PPAN: variants seen among roughly 807,000 people sequenced by gnomAD.
The protein encoded by PPAN is suppressor of SWI4 1 homolog.
PPAN carries 39 observed loss-of-function variants against 48.5 expected under a neutral mutation model. That is an observed-to-expected ratio of 0.80 (90% CI 0.62 to 1.05). PPAN has a LOEUF of 1.05. Among genes scored for constraint, PPAN ranks in the 50% least tolerant of loss-of-function variants. The pLI, the probability that PPAN is intolerant of heterozygous loss-of-function variation, is 0.00. For synonymous variants in PPAN, 315 were observed against 268.6 expected (o/e 1.17, Z -1.69); for missense variants, 736 against 661.7 (o/e 1.11, Z -1.23).
At chr19:10,108,192 C>G in intron 5 of PPAN, 58 bp downstream of exon 5, 1 of 1,555,518 alleles carries the variant, frequency 6.4e-7, no homozygotes, top group East Asian at 2.3e-5. Flanking sequence ...AGAGGTGCCA[C>G]AGGCCCTCAG....
intron 2 of PPAN, 95 bp from the exon 3 acceptor site, chr19:10,107,410 G>A: frequency 7.4e-7 from 1 of 1,353,498 alleles, no homozygotes; most frequent in Non-Finnish European, 1.0e-6. Context: ...AGGGTCAGAT[G>A]CAAGACAGAC....
chr19:10,110,693 C>T lies in PPAN; in HGVS notation c.1032-4C>T, dbSNP rs2089023661. 3 of 1,613,248 alleles carry T rather than the reference C, an allele frequency of 1.9e-6. No individual in the cohort carries two copies. The highest frequency in any genetic ancestry group is 2.5e-6 in the Non-Finnish European group (3 of 1,179,726). On this transcript the variant is annotated splice_region_variant and splice_polypyrimidine_tract_variant and intron_variant, in intron 10 of 11. Coordinates refer to ENST00000253107, the MANE Select transcript of PPAN (RefSeq NM_020230.7). The surrounding 1 kb of genome is among the most constrained non-coding windows in gnomAD (Gnocchi z 5.9). ...GCTATGTTGACCCCCACGCCCTCCT[C>T]CAGAAAGAAGAGCCTGGAGGGCATG...
intron 2 of PPAN, chr19:10,107,014 C>G: frequency 1.7e-6 from 1 of 594,072 alleles, no homozygotes; most frequent in Non-Finnish European, 3.1e-6. Flanking sequence ...TGGTGAAACC[C>G]CGTCTTTACA....
rs755741427 is a variant in PPAN at position 10,110,929 on chromosome 19, C to T, written c.1202-16C>T. The stretch of plus-strand genomic sequence containing the variant: ...GTCCTTGTCTCTGGGGGCCCTGACA[C>T]TGTCTCTCCCCACAGACCTGTTCCC... On this transcript the variant is annotated splice_polypyrimidine_tract_variant and intron_variant, in intron 11 of 11. Coordinates refer to ENST00000253107, the MANE Select transcript of PPAN (RefSeq NM_020230.7). The surrounding 1 kb of genome is among the most constrained non-coding windows in gnomAD (Gnocchi z 5.9). 1.2e-6 allele frequency: 2 copies of T among 1,613,378 alleles called. No individual in the cohort carries two copies. The highest frequency in any genetic ancestry group is 1.7e-5 in the Admixed American group (1 of 59,996).
In PPAN at chr19:10,111,711, G is replaced by C. The variant is rs373524333; in HGVS notation, c.*546G>C. 1.1e-4 allele frequency: 184 copies of C among 1,613,636 alleles called. No individual in the cohort carries two copies. Among genetic ancestry groups the C allele is most frequent in the Admixed American group, 2.5e-4 (15 of 59,980 alleles). On this transcript the variant is annotated 3_prime_UTR_variant, in exon 12 of 12. Coordinates refer to ENST00000253107, the MANE Select transcript of PPAN (RefSeq NM_020230.7). ...GGGTAGCAGACACAGGCTGAGGATC[G>C]GCACGGGAGCATGGCAGCCAACGTC...
At position 10,108,044 on chromosome 19, in the gene PPAN, G is replaced by A. The variant is rs1279507497; in HGVS notation, c.423G>A (p.Leu141=). 10 of 1,613,952 alleles carry A rather than the reference G, an allele frequency of 6.2e-6. No individual in the cohort carries two copies. The highest frequency in any genetic ancestry group is 8.5e-6 in the Non-Finnish European group (10 of 1,180,010). ...AGCAGTTTGCCCACCCACCCCTCCT[G>A]GTACTCAACAGCTTTGGCCCCCATG... ...HEQQFAHPPL[L]VLNSFGPHGM... The change falls in exon 5 of 12, where the codon CTG becomes CTA. Residue 141 remains leucine (L), a synonymous_variant. Coordinates refer to ENST00000253107, the MANE Select transcript of PPAN (RefSeq NM_020230.7).
In PPAN at chr19:10,111,537, T is replaced by C. The variant is rs2089076219; in HGVS notation, c.*372T>C. ...AGGTCACACTTTCAGCAGATGAGCT[T>C]GAACCTCAGGAGGGTTGTGGCACAA... is the stretch of plus-strand genomic sequence containing the variant. On this transcript the variant is annotated 3_prime_UTR_variant, in exon 12 of 12. Transcript: ENST00000253107. 3 of 706,096 alleles carry C rather than the reference T, an allele frequency of 4.2e-6. No individual in the cohort carries two copies. Among genetic ancestry groups the C allele is most frequent in the Non-Finnish European group, 7.2e-6 (3 of 414,158 alleles). The allele number at this position is 706,096 out of a possible 1,614,324, so 43.7% of individuals were successfully genotyped here.
chr19:10,106,864 T>C (rs2088849390), intron 2 of PPAN, 193 bp downstream of exon 2: 7 of 909,066 alleles, frequency 7.7e-6, no homozygotes, highest in Non-Finnish European at 8.1e-6. Flanking sequence ...GCTTGGGAGA[T>C]AGATAGTCGC....
intron 5 of PPAN, among the ~76,000 whole-genome samples, chr19:10,108,890 CTTATAAA>C (rs1008895372): frequency 6.6e-6 from 1 of 151,558 alleles, no homozygotes; most frequent in Non-Finnish European, 1.5e-5. Context: ...TCAGATGGGA[CTTATAAA>C]TTATATATAA....
rs780411560 is a variant in PPAN at position 10,110,777 on chromosome 19, C to T, written c.1112C>T (p.Ala371Val). ...GCCTCTGGGATCCCTTCAAGGACGGCGAGCCTGGAGTTGGGTGAGGACGAT... is the reference window on the plus strand; with the variant it reads ...GCCTCTGGGATCCCTTCAAGGACGGTGAGCCTGGAGTTGGGTGAGGACGAT... The part of the protein sequence containing the change: ...EEASGIPSRT[A>V]SLELGEDDDE... The change falls in exon 11 of 12, where the codon GCG becomes GTG. Residue 371 changes from alanine to valine, a missense_variant. Transcript: ENST00000253107. The surrounding 1 kb of genome is among the most constrained non-coding windows in gnomAD (Gnocchi z 5.9). The T allele has an allele frequency of 2.5e-5, 40 of 1,613,740 alleles. No homozygotes were observed. The highest frequency in any genetic ancestry group is 1.8e-4 in the East Asian group (8 of 44,878).
In PPAN at chr19:10,111,783, T is replaced by C. The variant is rs760812079; in HGVS notation, c.*618T>C. The C allele has an allele frequency of 2.0e-5, 33 of 1,610,604 alleles. No homozygotes were observed. Among genetic ancestry groups the C allele is most frequent in the Non-Finnish European group, 1.2e-5 (14 of 1,178,006 alleles). The stretch of plus-strand genomic sequence containing the variant: ...TGGCTGTCTCTGGGGGTCTGCAGAT[T>C]GTCAGGAGGTGGGGGTAGTGGGTAT... On this transcript the variant is annotated 3_prime_UTR_variant, in exon 12 of 12. Coordinates refer to ENST00000253107, the MANE Select transcript of PPAN (RefSeq NM_020230.7).
Position 10,110,683 on chromosome 19 carries a change from A to C in PPAN, c.1032-14A>C. 6.2e-7 allele frequency: 1 copy of C among 1,612,882 alleles called. No homozygotes were observed. Among genetic ancestry groups the C allele is most frequent in the Non-Finnish European group, 8.5e-7 (1 of 1,179,582 alleles). ...GGGATGGGCGGCTATGTTGACCCCCACGCCCTCCTCCAGAAAGAAGAGCCT... is the reference window on the plus strand; with the variant it reads ...GGGATGGGCGGCTATGTTGACCCCCCCGCCCTCCTCCAGAAAGAAGAGCCT... On this transcript the variant is annotated splice_polypyrimidine_tract_variant and intron_variant, in intron 10 of 11. Transcript: ENST00000253107. The surrounding 1 kb of genome is among the most constrained non-coding windows in gnomAD (Gnocchi z 5.9).
At chr19:10,108,324 G>A (rs988687046) in intron 5 of PPAN, among the ~76,000 whole-genome samples, 190 bp downstream of exon 5, 1 of 152,132 alleles carries the variant, frequency 6.6e-6, no homozygotes, top group African/African-American at 2.4e-5. Context: ...TTCCCCCAGC[G>A]GTCCACACCC....
In PPAN at chr19:10,109,713, T is replaced by A; in HGVS notation, c.590+6T>A. 6.2e-7 allele frequency: 1 copy of A among 1,613,264 alleles called. No individual in the cohort carries two copies. The highest frequency in any genetic ancestry group is 8.5e-7 in the Non-Finnish European group (1 of 1,179,568). The stretch of plus-strand genomic sequence containing the variant: ...GAGCTGGACTTCCGCCACTAGTGAG[T>A]GTCCCAGCAGGATGGGAGACGAGGG... On this transcript the variant is annotated splice_donor_region_variant and intron_variant, in intron 6 of 11. Transcript: ENST00000253107.
chr19:10,111,432 C>T lies in PPAN; in HGVS notation c.*267C>T, dbSNP rs910367908. 11 of 628,238 alleles carry T rather than the reference C, an allele frequency of 1.8e-5. No individual in the cohort carries two copies. The highest frequency in any genetic ancestry group is 5.9e-5 in the South Asian group (3 of 50,902). The allele number at this position is 628,238 out of a possible 1,614,324, so 38.9% of individuals were successfully genotyped here. ...AGCTGGGTCTCTCCCCTACCCTGCACGGGGTTGGTTTCATTGGTGGCAGCA... is the reference window on the plus strand; with the variant it reads ...AGCTGGGTCTCTCCCCTACCCTGCATGGGGTTGGTTTCATTGGTGGCAGCA... On this transcript the variant is annotated 3_prime_UTR_variant, in exon 12 of 12. Coordinates refer to ENST00000253107, the MANE Select transcript of PPAN (RefSeq NM_020230.7).
rs1283975613 is a variant in PPAN at position 10,108,123 on chromosome 19, A to G, written c.502A>G (p.Asn168Asp). Residue 168 changes from asparagine (N) to aspartate (D), a missense_variant, in exon 5 of 12, where the codon AAC becomes GAC. Transcript: ENST00000253107. ...TMFQNLFPSI[N>D]VHKVNLNTIK... ...GTTCCAGAACCTGTTCCCCTCCATC[A>G]ACGTGCACAAGGTGGGTCTGGCCTG... 1 of 1,610,552 alleles carries G rather than the reference A, an allele frequency of 6.2e-7. No homozygotes were observed. The highest frequency in any genetic ancestry group is 1.7e-5 in the Admixed American group (1 of 59,658).
chr19:10,106,702 C>T (rs889491581), intron 2 of PPAN, 31 bp downstream of exon 2: 38 of 1,504,682 alleles, frequency 2.5e-5, no homozygotes, highest in Non-Finnish European at 3.4e-5. Flanking sequence ...CCGCCTCCAC[C>T]CACCCTCGGC....
At position 10,106,412 on chromosome 19, in the gene PPAN, G is replaced by A. The variant is rs1359841757; in HGVS notation, c.18G>A (p.Arg6=). 3.2e-6 allele frequency: 5 copies of A among 1,548,894 alleles called. No homozygotes were observed. Among genetic ancestry groups the A allele is most frequent in the Admixed American group, 3.9e-5 (2 of 50,840 alleles). MGQSG[R]SRHQKRARAQ... ...ACAGCAGCATGGGACAGTCAGGGAG[G>A]GTAAGGCCCGGCAGCTTGGGAGGCA... The change falls in exon 1 of 12, where the codon AGG becomes AGA. Residue 6 remains arginine (R), a splice_region_variant and synonymous_variant. Coordinates refer to ENST00000253107, the MANE Select transcript of PPAN (RefSeq NM_020230.7).
At chr19:10,107,211 G>T (rs1234748609) in intron 2 of PPAN, among the ~76,000 whole-genome samples, 1 of 152,186 alleles carries the variant, frequency 6.6e-6, no homozygotes, top group African/African-American at 2.4e-5. Flanking sequence ...GAATCTGGAG[G>T]CAGCAAAGCA....
Sources: allele counts gnomAD v4.1 joint callset (sites outside exome capture counted in the v4.1 genomes callset), GRCh38; gene constraint gnomAD v4.1.1; non-coding constraint Gnocchi (gnomAD v3.1); transcripts MANE v1.5; gene names NCBI Gene and HGNC (gene_info 2026-07-23, HGNC 2026-07-21).